The following KSR2 variants were observed in gnomAD, a reference collection of about 807,000 sequenced individuals.
KSR2 encodes kinase suppressor of ras 2.
KSR2 carries 25 observed loss-of-function variants against 107.8 expected under a neutral mutation model. That is an observed-to-expected ratio of 0.23 (90% confidence interval 0.17 to 0.32). The LOEUF (loss-of-function observed/expected upper bound fraction) is 0.32, where lower values mean the gene tolerates loss of function less well. Ranked by LOEUF, KSR2 falls within the 10% of genes least tolerant of loss-of-function variation. The probability of loss-of-function intolerance (pLI) is 1.00; values close to 1 mark genes in which losing one functional copy is unlikely to be tolerated. For missense variants in KSR2, 887 were observed against 1,268.9 expected, an observed-to-expected ratio of 0.70 and a Z score of 4.57; for synonymous variants, 480 against 507.0, an observed-to-expected ratio of 0.95 and a Z score of 0.71.
intron 7 of KSR2, among the ~76,000 whole-genome samples, chr12:117,573,839 C>T (rs1204141532): frequency 2.0e-5 from 3 of 151,940 alleles, no homozygotes; most frequent in Admixed American, 6.6e-5. Context: ...CCTAATCACA[C>T]GTTATCATTT....
intron 5 of KSR2, among the ~76,000 whole-genome samples, chr12:117,646,151 G>T (rs1451878762): frequency 6.6e-6 from 1 of 152,032 alleles, no homozygotes; most frequent in African/African-American, 2.4e-5. Context: ...CAAGAAAAAA[G>T]TCAGTACATG....
At chr12:117,890,982 C>G (rs973050686) in intron 1 of KSR2, 7 of 152,118 alleles carry the variant, frequency 4.6e-5, no homozygotes, top group African/African-American at 1.7e-4. Flanking sequence ...TCCCTCCCTT[C>G]AGAAAAATTA....
rs190069280 is a variant in KSR2 at position 117,713,521 on chromosome 12, C to T, written c.987-45863G>A. ...AATGTTAAGAGCAATGACTTTGGGA[C>T]TAAAATTGGGGCAGGAGGGAATGGG... On this transcript the variant is annotated intron_variant, in intron 4 of 19. Coordinates refer to ENST00000339824, the MANE Select transcript of KSR2 (RefSeq NM_173598.6). Among the ~76,000 whole-genome samples, 208 of 152,232 alleles carry T rather than the reference C, an allele frequency of 1.4e-3. 1 individual carries two copies. Among genetic ancestry groups the T allele is most frequent in the Non-Finnish European group, 2.6e-3 (179 of 68,018 alleles).
At chr12:117,644,008 G>T (rs1213520259) in intron 5 of KSR2, among the ~76,000 whole-genome samples, 2 of 152,192 alleles carry the variant, frequency 1.3e-5, no homozygotes, top group African/African-American at 4.8e-5. Flanking sequence ...CTCCTCTTTG[G>T]CCTTGTCCCC....
At chr12:117,469,834 T>C in intron 18 of KSR2, 39 bp from the exon 19 acceptor site, 1 of 1,605,526 alleles carries the variant, frequency 6.2e-7, no homozygotes, top group African/African-American at 1.3e-5. Context: ...ACATAAATGG[T>C]GATTTCTTGA....
chr12:117,821,162 T>C (rs914257701), intron 3 of KSR2, among the ~76,000 whole-genome samples: 9 of 152,236 alleles, frequency 5.9e-5, no homozygotes, highest in Non-Finnish European at 1.0e-4. Context: ...CTTAGCACAA[T>C]GCCTGGCATA....
At chr12:117,644,551 C>T (rs1883530525) in intron 5 of KSR2, among the ~76,000 whole-genome samples, 1 of 152,118 alleles carries the variant, frequency 6.6e-6, no homozygotes, top group Non-Finnish European at 1.5e-5. Flanking sequence ...GACCAGAGTG[C>T]AGCCTAGGGA....
intron 14 of KSR2, among the ~76,000 whole-genome samples, chr12:117,493,793 C>T (rs1287869424): frequency 6.6e-6 from 1 of 152,114 alleles, no homozygotes; most frequent in African/African-American, 2.4e-5. Context: ...GTAATTGAAT[C>T]ATGGGGGTGA....
intron 3 of KSR2, among the ~76,000 whole-genome samples, chr12:117,774,062 C>A (rs1471272691): frequency 2.6e-5 from 4 of 152,104 alleles, no homozygotes. Flanking sequence ...TGATCCAGAT[C>A]TGTACCATTG....
chr12:117,717,916 G>C (rs1047621886), intron 4 of KSR2, among the ~76,000 whole-genome samples: 2 of 152,196 alleles, frequency 1.3e-5, no homozygotes, highest in Admixed American at 6.5e-5. Flanking sequence ...TTGAGACACA[G>C]AGGGAGGAGG....
Position 117,833,037 on chromosome 12 carries a change from G to A in KSR2, c.472+22391C>T, listed in dbSNP as rs115517641. On this transcript the variant is annotated intron_variant, in intron 3 of 19. Coordinates refer to ENST00000339824, the MANE Select transcript of KSR2 (RefSeq NM_173598.6). ...TTTCAGAGCCTTCGTGGGGCGGGGG[G>A]TGGTGGAGGCGGGAAGGTGGGGCGG... 8.6e-3 allele frequency among the ~76,000 whole-genome samples: 1,302 copies of A among 152,240 alleles called. 19 individuals are homozygous for A. The highest frequency in any genetic ancestry group is 0.029 in the African/African-American group (1,210 of 41,538).
chr12:117,923,517 T>C (rs1895408380), intron 1 of KSR2, among the ~76,000 whole-genome samples: 1 of 152,030 alleles, frequency 6.6e-6, no homozygotes, highest in South Asian at 2.1e-4. Flanking sequence ...TTTAAAAAAT[T>C]AGCCAGACAT....
rs575524745 is a variant in KSR2 at position 117,464,481 on chromosome 12, C to T, written c.*2718G>A. 2.0e-5 allele frequency: 3 copies of T among 152,250 alleles called. No individual in the cohort carries two copies. In the South Asian group the frequency reaches 6.2e-4, roughly 32 times the overall value. 9.4% of individuals were successfully genotyped at this position (152,250 alleles called of 1,614,324 possible). On this transcript the variant is annotated 3_prime_UTR_variant, in exon 20 of 20. Coordinates refer to ENST00000339824, the MANE Select transcript of KSR2 (RefSeq NM_173598.6). ...TGATGTAAAAATATACAGCCTCTTT[C>T]CTCTTTTTTTTTCCTCCCTGCGTAA...
intron 3 of KSR2, among the ~76,000 whole-genome samples, chr12:117,786,093 G>C (rs1396269324): frequency 6.6e-6 from 1 of 151,962 alleles, no homozygotes; most frequent in Non-Finnish European, 1.5e-5. Context: ...ATGCATTATA[G>C]ATAAAAGGAC....
intron 5 of KSR2, among the ~76,000 whole-genome samples, chr12:117,654,079 C>T (rs1444255620): frequency 6.6e-6 from 1 of 152,178 alleles, no homozygotes; most frequent in Non-Finnish European, 1.5e-5. Flanking sequence ...TAAGAGACAG[C>T]TCTTGGCCTG....
chr12:117,792,273 C>T (rs55765918), intron 3 of KSR2, among the ~76,000 whole-genome samples: 51 of 152,138 alleles, frequency 3.4e-4, no homozygotes, highest in Non-Finnish European at 5.9e-4. Context: ...TTGCTTAAGC[C>T]CGGGAGGTCG....
intron 3 of KSR2, among the ~76,000 whole-genome samples, chr12:117,848,834 A>AGTGGTG (rs71099082): frequency 0.21 from 28,639 of 133,362 alleles, 3,422 homozygotes; most frequent in South Asian, 0.38. Context: ...TGATGGTGGT[A>AGTGGTG]GTGGTGGTGA....
chr12:117,612,684 GA>G (rs141564824), intron 5 of KSR2, among the ~76,000 whole-genome samples: 2,245 of 152,214 alleles, frequency 0.015, 21 homozygotes, highest in Middle Eastern at 0.031. Flanking sequence ...ATACACCTAT[GA>G]AAAAAATTCT....
chr12:117,874,322 T>A lies in KSR2; in HGVS notation c.181-13891A>T, dbSNP rs561614890. 4.6e-5 allele frequency among the ~76,000 whole-genome samples: 7 copies of A among 152,202 alleles called. No individual in the cohort carries two copies. The East Asian group carries it at 1.4e-3, about 29-fold the overall frequency. On this transcript the variant is annotated intron_variant, in intron 1 of 19. Transcript: ENST00000339824. ...ATCATAGCTCACTGCAGCATCAACC[T>A]CCTGAACTCAAGCAATCCTCCCACC...
Sources: allele counts gnomAD v4.1 joint callset (sites outside exome capture counted in the v4.1 genomes callset), GRCh38; gene constraint gnomAD v4.1.1; transcripts MANE v1.5; gene names NCBI Gene and HGNC (gene_info 2026-07-23, HGNC 2026-07-21).